Variants in CLNK observed in about 807,000 individuals in gnomAD.
The protein encoded by CLNK is cytokine dependent hematopoietic cell linker.
A neutral mutation model predicts 68.6 loss-of-function variants in CLNK; 74 were observed. The ratio of observed to expected loss-of-function variants is 1.08; its 90% CI spans 0.89 to 1.31. The LOEUF is 1.31. Among genes scored for constraint, CLNK ranks in the 50% most tolerant of loss-of-function variants. CLNK has a pLI of 0.00. For missense variants in CLNK, 553 were observed against 515.3 expected, an observed-to-expected ratio of 1.07 and a Z score of -0.71; for synonymous variants, 198 against 172.2, an observed-to-expected ratio of 1.15 and a Z score of -1.17.
chr4:10,611,541 G>A (rs1394050709), intron 2 of CLNK, among the ~76,000 whole-genome samples: 2 of 151,710 alleles, frequency 1.3e-5, no homozygotes, highest in Non-Finnish European at 2.9e-5. Flanking sequence ...CAGTCTGCAG[G>A]GAAGCTGGGA....
intron 14 of CLNK, chr4:10,523,994 C>A: frequency 3.5e-6 from 1 of 283,444 alleles, no homozygotes; most frequent in Non-Finnish European, 7.2e-6. Flanking sequence ...CACTACAAGA[C>A]AGAATAAAAC....
the CLNK span, among the ~76,000 whole-genome samples, chr4:10,723,919 A>AGAGAGAGAGAGACAGAGAGAGAG: frequency 6.8e-6 from 1 of 148,024 alleles, no homozygotes; most frequent in Non-Finnish European, 1.5e-5. Flanking sequence ...AGAGAGAGAG[A>AGAGAGAGAGAGACAGAGAGAGAG]AGGCAGGGCA....
intron 8 of CLNK, among the ~76,000 whole-genome samples, chr4:10,557,736 G>A (rs17467476): frequency 2.0e-5 from 3 of 152,096 alleles, no homozygotes; most frequent in Non-Finnish European, 2.9e-5. Context: ...AAAAGATGGC[G>A]CTAGTAATAC....
intron 18 of CLNK, among the ~76,000 whole-genome samples, chr4:10,496,917 C>T (rs1007434887): frequency 3.9e-5 from 6 of 152,158 alleles, no homozygotes; most frequent in East Asian, 1.9e-4. Flanking sequence ...TGCCGGGGCC[C>T]GCTCCCACCC....
chr4:10,572,723 T>A (rs1240509950), intron 4 of CLNK, among the ~76,000 whole-genome samples: 1 of 152,248 alleles, frequency 6.6e-6, no homozygotes, highest in Non-Finnish European at 1.5e-5. Context: ...AAATTCAGGA[T>A]AAATTTCTGA....
intron 12 of CLNK, among the ~76,000 whole-genome samples, chr4:10,531,222 C>A (rs1718525940): frequency 6.6e-6 from 1 of 152,020 alleles, no homozygotes; most frequent in Non-Finnish European, 1.5e-5. Context: ...CATGGTGACC[C>A]CACTATCCTC....
intron 17 of CLNK, among the ~76,000 whole-genome samples, chr4:10,502,567 A>G (rs756496727): frequency 6.6e-6 from 1 of 151,548 alleles, no homozygotes; most frequent in Admixed American, 6.6e-5. Context: ...ATGTTCACAT[A>G]TTTCCTCTTC....
intron 2 of CLNK, among the ~76,000 whole-genome samples, chr4:10,644,717 T>G (rs2108878133): frequency 6.6e-6 from 1 of 152,286 alleles, no homozygotes; most frequent in South Asian, 2.1e-4. Flanking sequence ...AAAATCAAAT[T>G]TTAAAACAAA....
At chr4:10,723,919 A>AGAGACAGAGAGAGAGAGATCG in the CLNK span, among the ~76,000 whole-genome samples, 21 of 148,088 alleles carry the variant, frequency 1.4e-4, no homozygotes, top group Admixed American at 2.7e-4. Flanking sequence ...AGAGAGAGAG[A>AGAGACAGAGAGAGAGAGATCG]AGGCAGGGCA....
intron 2 of CLNK, among the ~76,000 whole-genome samples, chr4:10,644,446 T>C (rs1413974362): frequency 6.6e-6 from 1 of 152,212 alleles, no homozygotes; most frequent in Non-Finnish European, 1.5e-5. Context: ...ATCTCCATTT[T>C]ATAGATGAGA....
At chr4:10,511,340 G>A (rs950897729) in intron 16 of CLNK, among the ~76,000 whole-genome samples, 6 of 152,094 alleles carry the variant, frequency 3.9e-5, no homozygotes, top group Non-Finnish European at 2.9e-5. Flanking sequence ...ATATTTTCCA[G>A]AATTTGACTC....
chr4:10,626,410 T>G (rs1722676968), intron 2 of CLNK, among the ~76,000 whole-genome samples: 2 of 152,194 alleles, frequency 1.3e-5, no homozygotes, highest in African/African-American at 4.8e-5. Flanking sequence ...TGAATGTCAT[T>G]TATTCGCACC....
chr4:10,681,122 C>A (rs777022829), intron 1 of CLNK, among the ~76,000 whole-genome samples: 3 of 152,214 alleles, frequency 2.0e-5, no homozygotes, highest in Admixed American at 6.5e-5. Context: ...TAGTGCTCAA[C>A]AAGCTACTGC....
At chr4:10,495,792 G>A (rs1280548446) in intron 18 of CLNK, among the ~76,000 whole-genome samples, 1 of 150,226 alleles carries the variant, frequency 6.7e-6, no homozygotes, top group African/African-American at 2.5e-5. Flanking sequence ...CGTGACCATA[G>A]AGAGAGCGAT....
the CLNK span, among the ~76,000 whole-genome samples, chr4:10,715,804 A>G: frequency 6.6e-6 from 1 of 152,186 alleles, no homozygotes; most frequent in Non-Finnish European, 1.5e-5. Context: ...GCACTACTTC[A>G]TCAGGCATGG....
chr4:10,521,619 A>G (rs987107283), intron 14 of CLNK, among the ~76,000 whole-genome samples: 6 of 152,220 alleles, frequency 3.9e-5, no homozygotes, highest in African/African-American at 1.4e-4. Context: ...ACCTGAGCAT[A>G]TATCTGGTTT....
intron 16 of CLNK, among the ~76,000 whole-genome samples, chr4:10,508,497 G>A (rs1002410279): frequency 5.9e-5 from 9 of 152,046 alleles, no homozygotes; most frequent in Admixed American, 1.3e-4. Flanking sequence ...GCTATGATTC[G>A]GATCCTAGTT....
the CLNK span, among the ~76,000 whole-genome samples, chr4:10,696,246 T>A: frequency 6.6e-3 from 1,012 of 152,272 alleles, 2 homozygotes; most frequent in Non-Finnish European, 0.011. Flanking sequence ...CAGGTCTTTT[T>A]TGGCCTTGCC....
At chr4:10,625,924 A>T (rs1722650162) in intron 2 of CLNK, among the ~76,000 whole-genome samples, 1 of 152,264 alleles carries the variant, frequency 6.6e-6, no homozygotes. Context: ...CCAATGTGTT[A>T]TGACCTTCTC....
Sources: allele counts gnomAD v4.1 joint callset (sites outside exome capture counted in the v4.1 genomes callset), GRCh38; gene constraint gnomAD v4.1.1; transcripts MANE v1.5; gene names NCBI Gene and HGNC (gene_info 2026-07-23, HGNC 2026-07-21).